The following PPFIA2 variants were observed in gnomAD, a reference collection of about 807,000 sequenced individuals.
The protein encoded by PPFIA2 is liprin-alpha-2.
In PPFIA2, 46 loss-of-function variants were observed where a neutral mutation model predicts 175.5. The observed-to-expected ratio is 0.26, with a 90% CI of 0.21 to 0.34. The LOEUF (loss-of-function observed/expected upper bound fraction) is 0.34, where lower values mean the gene tolerates loss of function less well. PPFIA2 is among the 10% of genes least tolerant of loss of function. The pLI is 1.00. For missense variants in PPFIA2, 1,179 were observed against 1,506.1 expected, an observed-to-expected ratio of 0.78 and a Z score of 3.60; for synonymous variants, 568 against 511.4, an observed-to-expected ratio of 1.11 and a Z score of -1.49.
intron 4 of PPFIA2, among the ~76,000 whole-genome samples, chr12:81,603,398 A>G (rs2153458115): frequency 6.6e-6 from 1 of 151,912 alleles, no homozygotes; most frequent in East Asian, 1.9e-4. Flanking sequence ...ATAGACACGA[A>G]GACTGTTCTT....
At chr12:81,431,548 ATT>A (rs943208429) in intron 7 of PPFIA2, 1 of 152,178 alleles carries the variant, frequency 6.6e-6, no homozygotes, top group African/African-American at 2.4e-5. Context: ...TATTTACAAT[ATT>A]TTGTTTGATT....
At chr12:81,707,667 A>G (rs2077364600) in intron 3 of PPFIA2, among the ~76,000 whole-genome samples, 2 of 150,744 alleles carry the variant, frequency 1.3e-5, no homozygotes, top group Non-Finnish European at 1.5e-5. Context: ...CCATCCCATT[A>G]CTGGGTATAT....
At chr12:81,280,079 C>T (rs1463814910) in intron 27 of PPFIA2, among the ~76,000 whole-genome samples, 3 of 152,164 alleles carry the variant, frequency 2.0e-5, no homozygotes, top group Non-Finnish European at 4.4e-5. Flanking sequence ...ACTTCTACCA[C>T]CTTATAACAA....
chr12:81,756,114 G>A lies in PPFIA2; in HGVS notation c.-2-1891C>T, dbSNP rs73348377. On this transcript the variant is annotated intron_variant, in intron 2 of 32. Coordinates refer to ENST00000549396, the MANE Select transcript of PPFIA2 (RefSeq NM_003625.5). ...ATGCATGAAACCTACACATTGAGCC[G>A]CTATGTCATTCTGAGAAATGATTAC... is the stretch of plus-strand genomic sequence containing the variant. Among the ~76,000 whole-genome samples, 980 of 152,152 alleles carry A rather than the reference G, an allele frequency of 6.4e-3. 10 individuals are homozygous for A. Among genetic ancestry groups the A allele is most frequent in the African/African-American group, 0.023 (937 of 41,534 alleles).
chr12:81,321,836 T>C (rs944649374), intron 22 of PPFIA2, among the ~76,000 whole-genome samples: 2 of 152,126 alleles, frequency 1.3e-5, no homozygotes, highest in African/African-American at 4.8e-5. Flanking sequence ...CACAGGAATT[T>C]TGGGGGGCAG....
intron 4 of PPFIA2, among the ~76,000 whole-genome samples, chr12:81,574,600 A>G (rs1403003958): frequency 1.3e-5 from 2 of 151,820 alleles, no homozygotes; most frequent in East Asian, 3.9e-4. Context: ...CTTTTTAGTC[A>G]TATCTCCAGA....
chr12:81,335,043 AGTAGCAGTGT>A (rs1438355634), intron 21 of PPFIA2, among the ~76,000 whole-genome samples: 5 of 152,190 alleles, frequency 3.3e-5, no homozygotes, highest in Non-Finnish European at 7.3e-5. Flanking sequence ...CTAGCGTTTC[AGTAGCAGTGT>A]GTTTGGAATT....
At chr12:81,343,242 C>T (rs964450623) in intron 19 of PPFIA2, among the ~76,000 whole-genome samples, 1 of 152,026 alleles carries the variant, frequency 6.6e-6, no homozygotes, top group Non-Finnish European at 1.5e-5. Flanking sequence ...TGACTTTTCT[C>T]ACAAATTATG....
chr12:81,406,436 A>C (rs1319719545), intron 7 of PPFIA2, among the ~76,000 whole-genome samples: 1 of 152,106 alleles, frequency 6.6e-6, no homozygotes, highest in Non-Finnish European at 1.5e-5. Context: ...CATGTATTAA[A>C]TTTGTTTTAT....
chr12:81,368,139 T>C (rs1284221305), intron 13 of PPFIA2: 6 of 1,288,168 alleles, frequency 4.7e-6, no homozygotes, highest in Admixed American at 2.3e-5. Flanking sequence ...CCAGCTCTCA[T>C]AACTCTTGCT....
chr12:81,741,504 T>C (rs17691281), intron 3 of PPFIA2, among the ~76,000 whole-genome samples: 6,373 of 152,224 alleles, frequency 0.042, 171 homozygotes, highest in Middle Eastern at 0.065. Flanking sequence ...ATGAACCAAA[T>C]ATAAAAGAAT....
chr12:81,438,030 A>G (rs927434115), intron 7 of PPFIA2, among the ~76,000 whole-genome samples: 5 of 150,828 alleles, frequency 3.3e-5, no homozygotes, highest in Non-Finnish European at 7.4e-5. Context: ...TTCATCATTT[A>G]TGGTTTTAAC....
intron 4 of PPFIA2, among the ~76,000 whole-genome samples, chr12:81,483,445 A>G (rs1165426193): frequency 1.3e-5 from 2 of 152,132 alleles, no homozygotes; most frequent in Non-Finnish European, 2.9e-5. Context: ...ATATTGTAAA[A>G]TTTCAGTTAC....
intron 8 of PPFIA2, among the ~76,000 whole-genome samples, chr12:81,404,656 G>A (rs889448102): frequency 2.0e-5 from 3 of 152,106 alleles, no homozygotes; most frequent in Non-Finnish European, 4.4e-5. Context: ...TAAATTCGTG[G>A]TCTTATGTGA....
intron 16 of PPFIA2, among the ~76,000 whole-genome samples, chr12:81,356,652 T>C (rs1303945945): frequency 6.6e-6 from 1 of 151,754 alleles, no homozygotes; most frequent in East Asian, 1.9e-4. Flanking sequence ...GACAGAATAA[T>C]ACCCTGTCTC....
chr12:81,709,151 T>C (rs2077569079), intron 3 of PPFIA2, among the ~76,000 whole-genome samples: 1 of 152,140 alleles, frequency 6.6e-6, no homozygotes, highest in Admixed American at 6.6e-5. Flanking sequence ...TGCCCAGCTC[T>C]GCAAGCCTAT....
At chr12:81,464,692 C>A (rs1161104090) in intron 4 of PPFIA2, among the ~76,000 whole-genome samples, 3 of 152,238 alleles carry the variant, frequency 2.0e-5, no homozygotes, top group East Asian at 3.9e-4. Context: ...CATTCCTAGA[C>A]AGGAAATTAA....
At chr12:81,596,083 C>T (rs1487828212) in intron 4 of PPFIA2, among the ~76,000 whole-genome samples, 1 of 152,012 alleles carries the variant, frequency 6.6e-6, no homozygotes, top group East Asian at 1.9e-4. Flanking sequence ...GTTTTTATAG[C>T]ATTTCAACCA....
chr12:81,581,733 AAC>A (rs1405573905), intron 4 of PPFIA2, among the ~76,000 whole-genome samples: 3 of 2,516 alleles, frequency 1.2e-3, no homozygotes, highest in East Asian at 0.25. Flanking sequence ...AAACAAAACG[AAC>A]AAACAAACAA....
Sources: allele counts gnomAD v4.1 joint callset (sites outside exome capture counted in the v4.1 genomes callset), GRCh38; gene constraint gnomAD v4.1.1; transcripts MANE v1.5; gene names NCBI Gene and HGNC (gene_info 2026-07-23, HGNC 2026-07-21).